LGSN: variants seen among roughly 807,000 people sequenced by gnomAD.
LGSN encodes lengsin, lens protein with glutamine synthetase domain.
In LGSN, 21 loss-of-function variants were observed where a neutral mutation model predicts 19.5. That is an observed-to-expected ratio of 1.07 (90% CI 0.76 to 1.55). The LOEUF (loss-of-function observed/expected upper bound fraction) is 1.55, where lower values mean the gene tolerates loss of function less well. Among genes scored for constraint, LGSN ranks in the 40% most tolerant of loss-of-function variants. The pLI is 0.00. For synonymous variants in LGSN, 257 were observed against 215.6 expected (o/e 1.19, Z -1.68); for missense variants, 673 against 608.5 (o/e 1.11, Z -1.12).
intron 1 of LGSN, among the ~76,000 whole-genome samples, chr6:63,301,154 T>A (rs2127390852): frequency 6.6e-6 from 1 of 152,152 alleles, no homozygotes; most frequent in South Asian, 2.1e-4. Flanking sequence ...AGCCAGGCAT[T>A]GTGGCACACA....
chr6:63,374,241 CTTTGATGCAAATTATTTGCATCA>C, the LGSN span, among the ~76,000 whole-genome samples: 2 of 152,062 alleles, frequency 1.3e-5, no homozygotes, highest in Non-Finnish European at 2.9e-5. Flanking sequence ...AAAATGTTAT[CTTTGATGCAAATTATTTGCATCA>C]TTTTTTTCTG....
chr6:63,295,088 C>G (rs1312053493), intron 1 of LGSN, 43 bp from the exon 2 acceptor site: 32 of 1,560,888 alleles, frequency 2.1e-5, no homozygotes, highest in Non-Finnish European at 2.7e-5. Flanking sequence ...ACAGATTATT[C>G]AAACAATGAT....
the LGSN span, chr6:63,441,852 GT>G: frequency 3.4e-6 from 1 of 296,468 alleles, no homozygotes; most frequent in East Asian, 1.0e-4. Context: ...CTGGTTGCTT[GT>G]CAGGTGACAC....
the LGSN span, among the ~76,000 whole-genome samples, chr6:63,536,646 C>T: frequency 5.9e-5 from 9 of 152,020 alleles, no homozygotes; most frequent in Non-Finnish European, 8.8e-5. Context: ...GTGTCAGTCG[C>T]GATAACTGTG....
At chr6:63,522,307 G>A in the LGSN span, among the ~76,000 whole-genome samples, 6 of 152,138 alleles carry the variant, frequency 3.9e-5, no homozygotes, top group Non-Finnish European at 7.4e-5. Flanking sequence ...ATAAAGATAA[G>A]ATGTCCAGAA....
chr6:63,442,012 C>T, the LGSN span: 1 of 168,750 alleles, frequency 5.9e-6, no homozygotes, highest in Non-Finnish European at 1.3e-5. Flanking sequence ...CAGATGCGTC[C>T]GGAGTTTCTT....
At chr6:63,327,278 CAAG>C in the LGSN span, among the ~76,000 whole-genome samples, 1 of 152,088 alleles carries the variant, frequency 6.6e-6, no homozygotes, top group Admixed American at 6.5e-5. Context: ...ACAAATTTGA[CAAG>C]AAGGTTAAAA....
chr6:63,544,918 G>A, the LGSN span, among the ~76,000 whole-genome samples: 12 of 152,112 alleles, frequency 7.9e-5, no homozygotes, highest in Middle Eastern at 3.4e-3. Context: ...TAATGTCTCC[G>A]AAGAGATACT....
At chr6:63,521,253 G>T in the LGSN span, among the ~76,000 whole-genome samples, 1 of 152,082 alleles carries the variant, frequency 6.6e-6, no homozygotes, top group African/African-American at 2.4e-5. Flanking sequence ...ATAAAACTGA[G>T]CAAGAAAAGA....
At chr6:63,511,752 T>A in the LGSN span, among the ~76,000 whole-genome samples, 1 of 152,184 alleles carries the variant, frequency 6.6e-6, no homozygotes, top group African/African-American at 2.4e-5. Flanking sequence ...TGGAAAATAT[T>A]TTTACTGTGT....
At chr6:63,402,569 T>G in the LGSN span, among the ~76,000 whole-genome samples, 5 of 152,212 alleles carry the variant, frequency 3.3e-5, no homozygotes, top group Non-Finnish European at 7.3e-5. Flanking sequence ...TTAGTGACTT[T>G]GGAGTAGATC....
the LGSN span, among the ~76,000 whole-genome samples, chr6:63,408,895 G>T: frequency 6.6e-6 from 1 of 152,240 alleles, no homozygotes; most frequent in East Asian, 1.9e-4. Context: ...AAATAATCAG[G>T]ATTAAGTATT....
the LGSN span, among the ~76,000 whole-genome samples, chr6:63,486,166 A>G: frequency 3.9e-5 from 6 of 152,230 alleles, no homozygotes; most frequent in Non-Finnish European, 8.8e-5. Flanking sequence ...TACTTAAGAC[A>G]TTTATGAGTT....
the LGSN span, among the ~76,000 whole-genome samples, chr6:63,428,144 A>C: frequency 1.3e-5 from 2 of 152,134 alleles, no homozygotes; most frequent in African/African-American, 4.8e-5. Flanking sequence ...ACCAAACACT[A>C]CTATTAATAA....
the LGSN span, among the ~76,000 whole-genome samples, chr6:63,332,035 C>A: frequency 6.6e-6 from 1 of 152,106 alleles, no homozygotes; most frequent in Non-Finnish European, 1.5e-5. Context: ...TTTGTCCTCA[C>A]TTATATGAAT....
the LGSN span, among the ~76,000 whole-genome samples, chr6:63,499,741 C>T: frequency 6.6e-6 from 1 of 152,026 alleles, no homozygotes; most frequent in African/African-American, 2.4e-5. Context: ...TACCTTTAGG[C>T]TCTATGCAGC....
chr6:63,436,814 T>C, the LGSN span, among the ~76,000 whole-genome samples: 1 of 152,122 alleles, frequency 6.6e-6, no homozygotes, highest in Non-Finnish European at 1.5e-5. Context: ...GGCAGGTGGA[T>C]TGCTTTAGCT....
chr6:63,422,469 G>A, the LGSN span, among the ~76,000 whole-genome samples: 1 of 152,068 alleles, frequency 6.6e-6, no homozygotes, highest in African/African-American at 2.4e-5. Flanking sequence ...ATGAGAATGG[G>A]TTATATGAAA....
At chr6:63,548,391 G>T in the LGSN span, among the ~76,000 whole-genome samples, 1 of 152,134 alleles carries the variant, frequency 6.6e-6, no homozygotes, top group Non-Finnish European at 1.5e-5. Context: ...GGCTTAGAAC[G>T]GCACTAGGCA....
Sources: gnomAD v4.1 joint callset for allele counts (sites outside exome capture counted in the v4.1 genomes callset) on GRCh38, gnomAD v4.1.1 for gene constraint, MANE v1.5 for transcripts, NCBI Gene and HGNC (gene_info 2026-07-23, HGNC 2026-07-21) for gene names.